GRIK4: variants seen among roughly 807,000 people sequenced by gnomAD.
GRIK4 encodes the protein glutamate ionotropic receptor kainate type subunit 4, also known as glutamate receptor ionotropic, kainate 4.
In GRIK4, 40 loss-of-function variants were observed where a neutral mutation model predicts 104.9. That is an observed-to-expected ratio of 0.38 (90% CI 0.30 to 0.50). The LOEUF (loss-of-function observed/expected upper bound fraction) is 0.50. Ranked by LOEUF, GRIK4 falls within the 20% of genes least tolerant of loss-of-function variation. The pLI is 0.93. For missense variants in GRIK4, 1,047 were observed against 1,308.1 expected (o/e 0.80, Z 3.08); for synonymous variants, 485 against 524.9 (o/e 0.92, Z 1.04).
intron 11 of GRIK4, among the ~76,000 whole-genome samples, chr11:120,884,070 G>A (rs1221565796): frequency 1.3e-5 from 2 of 152,218 alleles, no homozygotes; most frequent in East Asian, 1.9e-4. Flanking sequence ...AGCAGGCAGC[G>A]TGGGGCACTG....
At chr11:120,874,478 C>T (rs1456597377) in intron 10 of GRIK4, among the ~76,000 whole-genome samples, 2 of 152,176 alleles carry the variant, frequency 1.3e-5, no homozygotes, top group African/African-American at 2.4e-5. Flanking sequence ...TATTAGTGGG[C>T]CCCTGAATTC....
intron 13 of GRIK4, among the ~76,000 whole-genome samples, chr11:120,922,531 A>G (rs545652493): frequency 6.6e-6 from 1 of 152,324 alleles, no homozygotes; most frequent in South Asian, 2.1e-4. Flanking sequence ...CCCTCTGGCC[A>G]TCCCTCACCA....
chr11:120,535,625 C>G (rs958996111), intron 1 of GRIK4, among the ~76,000 whole-genome samples: 1 of 152,084 alleles, frequency 6.6e-6, no homozygotes, highest in Non-Finnish European at 1.5e-5. Context: ...CTCGGGATCC[C>G]GGTTCTACAT....
chr11:120,514,869 G>A (rs1259029401), intron 1 of GRIK4: 6 of 422,004 alleles, frequency 1.4e-5, no homozygotes, highest in East Asian at 7.1e-5. Flanking sequence ...TCCCACTGCC[G>A]TGGTCCCTAC....
intron 3 of GRIK4, among the ~76,000 whole-genome samples, chr11:120,750,398 G>A (rs148307652): frequency 0.012 from 1,508 of 122,934 alleles, 31 homozygotes; most frequent in African/African-American, 0.047. Context: ...GTAGAGTCTC[G>A]CTCCGTGGTC....
At chr11:120,732,607 G>A (rs551526160) in intron 3 of GRIK4, among the ~76,000 whole-genome samples, 14 of 152,002 alleles carry the variant, frequency 9.2e-5, no homozygotes, top group Admixed American at 7.9e-4. Context: ...TTCATCATTC[G>A]GGAGCATATT....
chr11:120,934,019 A>G (rs4462360), intron 13 of GRIK4, among the ~76,000 whole-genome samples: 1 of 152,038 alleles, frequency 6.6e-6, no homozygotes, highest in Non-Finnish European at 1.5e-5. Flanking sequence ...CCTGGCTAAC[A>G]CAGTGAAACC....
At chr11:120,831,087 C>T (rs1216076985) in intron 6 of GRIK4, among the ~76,000 whole-genome samples, 1 of 152,034 alleles carries the variant, frequency 6.6e-6, no homozygotes, top group African/African-American at 2.4e-5. Context: ...TCCCTTTTTT[C>T]TGTTTTGTTC....
intron 3 of GRIK4, among the ~76,000 whole-genome samples, chr11:120,705,417 G>C (rs2135342268): frequency 6.6e-6 from 1 of 152,090 alleles, no homozygotes; most frequent in South Asian, 2.1e-4. Flanking sequence ...GTAGAGACAA[G>C]GTTTCACCAT....
In GRIK4 at chr11:120,953,893, T is replaced by C. The variant is rs931229882; in HGVS notation, c.1700+929T>C. Among the ~76,000 whole-genome samples the C allele has an allele frequency of 4.6e-5, 7 of 152,136 alleles. No individual in the cohort carries two copies. The highest frequency in any genetic ancestry group is 1.3e-4 in the Admixed American group (2 of 15,288). On this transcript the variant is annotated intron_variant, in intron 15 of 20. Transcript: ENST00000527524. The surrounding 1 kb of genome is among the most constrained non-coding windows in gnomAD (Gnocchi z 4.9). Reference sequence around the variant, plus strand: ...AGTGGAGGCTCACAAAGGGCTGTTATGTGGGAGCAGAGAACTACTCAGGAG... The same window carrying C: ...AGTGGAGGCTCACAAAGGGCTGTTACGTGGGAGCAGAGAACTACTCAGGAG...
chr11:120,657,212 C>T (rs1159965793), intron 2 of GRIK4, among the ~76,000 whole-genome samples: 1 of 152,158 alleles, frequency 6.6e-6, no homozygotes, highest in Non-Finnish European at 1.5e-5. Context: ...ATAGTCCAAA[C>T]AAGATTCCTG....
chr11:120,823,460 T>G (rs1202400053), intron 6 of GRIK4, among the ~76,000 whole-genome samples: 1 of 152,146 alleles, frequency 6.6e-6, no homozygotes, highest in Non-Finnish European at 1.5e-5. Context: ...ACCTCCCTCC[T>G]CCCCGGTCAT....
intron 13 of GRIK4, among the ~76,000 whole-genome samples, chr11:120,938,042 T>G (rs569106210): frequency 6.6e-6 from 1 of 152,208 alleles, no homozygotes; most frequent in Admixed American, 6.5e-5. Flanking sequence ...TTAATTTTTC[T>G]AATCTTGCCA....
chr11:120,833,841 T>C (rs1357516042), intron 7 of GRIK4, among the ~76,000 whole-genome samples: 1 of 152,252 alleles, frequency 6.6e-6, no homozygotes, highest in East Asian at 1.9e-4. Context: ...CAAACTTTTC[T>C]GTAAGCGCTT....
At chr11:120,809,329 A>G (rs1444685027) in intron 4 of GRIK4, among the ~76,000 whole-genome samples, 2 of 152,112 alleles carry the variant, frequency 1.3e-5, no homozygotes, top group African/African-American at 4.8e-5. Context: ...GCCTGGGAGG[A>G]AGAGGTAAAC....
intron 3 of GRIK4, among the ~76,000 whole-genome samples, chr11:120,726,809 G>A (rs2135384826): frequency 6.6e-6 from 1 of 151,896 alleles, no homozygotes; most frequent in Non-Finnish European, 1.5e-5. Context: ...TGGTAACATA[G>A]CAGCAGTGGT....
intron 11 of GRIK4, among the ~76,000 whole-genome samples, chr11:120,896,594 G>A (rs1467897436): frequency 6.6e-6 from 1 of 152,246 alleles, no homozygotes; most frequent in Non-Finnish European, 1.5e-5. Context: ...CCAGCTGATG[G>A]TCTGGGGTGG....
At chr11:120,850,796 CATTATTATTATTATT>C (rs60692595) in intron 8 of GRIK4, among the ~76,000 whole-genome samples, 63 of 144,816 alleles carry the variant, frequency 4.4e-4, no homozygotes, top group Non-Finnish European at 5.7e-4. Context: ...TGGCAAATCA[CATTATTATTATTATT>C]ATTATTATTA....
intron 3 of GRIK4, among the ~76,000 whole-genome samples, chr11:120,786,413 G>A (rs553775782): frequency 6.6e-6 from 1 of 152,134 alleles, no homozygotes; most frequent in African/African-American, 2.4e-5. Context: ...TTTCTGCTGG[G>A]GCTAACCCAT....
Sources: allele counts gnomAD v4.1 joint callset (sites outside exome capture counted in the v4.1 genomes callset), GRCh38; gene constraint gnomAD v4.1.1; non-coding constraint Gnocchi (gnomAD v3.1); transcripts MANE v1.5; gene names NCBI Gene and HGNC (gene_info 2026-07-23, HGNC 2026-07-21).